Variants in PACSIN1 observed in about 807,000 individuals in gnomAD.
The protein encoded by PACSIN1 is protein kinase C and casein kinase substrate in neurons protein 1.
In PACSIN1, 15 loss-of-function variants were observed where a neutral mutation model predicts 59.5. That is an observed-to-expected ratio of 0.25 (90% CI 0.17 to 0.39). The LOEUF is 0.39. PACSIN1 is among the 10% of genes least tolerant of loss of function. The pLI is 1.00. For missense variants in PACSIN1, 420 were observed against 580.2 expected (o/e 0.72, Z 2.84); for synonymous variants, 210 against 220.6 (o/e 0.95, Z 0.42).
chr6:34,489,636 C>T (rs1052340983), intron 1 of PACSIN1, among the ~76,000 whole-genome samples: 23 of 152,146 alleles, frequency 1.5e-4, no homozygotes, highest in African/African-American at 5.3e-4. Context: ...ACTCAGGGAC[C>T]AGTGAGACTA....
intron 1 of PACSIN1, among the ~76,000 whole-genome samples, chr6:34,522,665 T>C (rs1767414198): frequency 6.6e-6 from 1 of 152,192 alleles, no homozygotes; most frequent in Non-Finnish European, 1.5e-5. Flanking sequence ...TGTTACGCTG[T>C]CTGTGAGCTG....
intron 1 of PACSIN1, among the ~76,000 whole-genome samples, chr6:34,524,230 C>T (rs114136274): frequency 0.012 from 1,810 of 152,254 alleles, 14 homozygotes; most frequent in Non-Finnish European, 0.017. Flanking sequence ...CATACCAGGT[C>T]TCAGCTGTAC....
chr6:34,504,426 G>T (rs138805085), intron 1 of PACSIN1, among the ~76,000 whole-genome samples: 12,033 of 151,862 alleles, frequency 0.079, 519 homozygotes, highest in Non-Finnish European at 0.091. Context: ...GAGTAGCTAG[G>T]ATTACAGGTG....
chr6:34,528,585 G>A (rs567483305), intron 3 of PACSIN1, 57 bp from the exon 4 acceptor site: 5 of 1,246,404 alleles, frequency 4.0e-6, no homozygotes, highest in Admixed American at 1.7e-5. Flanking sequence ...GGAGATGTGA[G>A]GGGGGGCCTC....
intron 1 of PACSIN1, among the ~76,000 whole-genome samples, chr6:34,476,739 G>A (rs1766643785): frequency 6.6e-6 from 1 of 152,218 alleles, no homozygotes. Context: ...GGCCTGGTAA[G>A]CTGCAAAGCT....
intron 1 of PACSIN1, among the ~76,000 whole-genome samples, chr6:34,479,419 T>C (rs1400534439): frequency 1.3e-5 from 2 of 152,172 alleles, no homozygotes; most frequent in East Asian, 1.9e-4. Flanking sequence ...AAGAGTTCTG[T>C]TTCTTTTTGA....
At chr6:34,491,162 T>C (rs1766870905) in intron 1 of PACSIN1, among the ~76,000 whole-genome samples, 1 of 152,132 alleles carries the variant, frequency 6.6e-6, no homozygotes, top group Non-Finnish European at 1.5e-5. Context: ...CCTCTCCAGC[T>C]GCAGGAGAGG....
At chr6:34,526,692 G>A (rs746272339) in intron 2 of PACSIN1, among the ~76,000 whole-genome samples, 1 of 152,162 alleles carries the variant, frequency 6.6e-6, no homozygotes, top group Non-Finnish European at 1.5e-5. Flanking sequence ...TATTTCCCTC[G>A]CTCGCCCCCC....
chr6:34,501,618 G>T (rs1767024705), intron 1 of PACSIN1, among the ~76,000 whole-genome samples: 1 of 152,228 alleles, frequency 6.6e-6, no homozygotes, highest in Non-Finnish European at 1.5e-5. Context: ...GACCAGAACA[G>T]GTGGGGAGGT....
chr6:34,526,215 T>C, intron 1 of PACSIN1, 28 bp from the exon 2 acceptor site: 1 of 1,099,170 alleles, frequency 9.1e-7, no homozygotes, highest in Middle Eastern at 2.0e-4. Context: ...TTCCCTCATC[T>C]CCAGGGATCT....
intron 1 of PACSIN1, among the ~76,000 whole-genome samples, chr6:34,489,862 C>T (rs182813791): frequency 2.0e-5 from 3 of 152,312 alleles, no homozygotes; most frequent in African/African-American, 4.8e-5. Flanking sequence ...ACATAAAAAG[C>T]GTGTAAGCCC....
At chr6:34,504,413 C>G (rs1363425685) in intron 1 of PACSIN1, among the ~76,000 whole-genome samples, 1 of 151,828 alleles carries the variant, frequency 6.6e-6, no homozygotes, top group Admixed American at 6.6e-5. Flanking sequence ...GCCTCAGACT[C>G]CCGAGTAGCT....
chr6:34,513,076 A>G (rs1767230799), intron 1 of PACSIN1, among the ~76,000 whole-genome samples: 1 of 152,198 alleles, frequency 6.6e-6, no homozygotes, highest in African/African-American at 2.4e-5. Context: ...TGTTTTGCCC[A>G]CAGCTGTATC....
chr6:34,476,341 G>A (rs562064443), intron 1 of PACSIN1, among the ~76,000 whole-genome samples: 140 of 152,328 alleles, frequency 9.2e-4, no homozygotes, highest in African/African-American at 3.2e-3. Context: ...CTCGCCAAGC[G>A]TGTGATAGAG....
In PACSIN1 at chr6:34,509,501, A is replaced by G. The variant is rs116446209; in HGVS notation, c.-63-16742A>G. ...GTAATATGTTTTGAAATCAGGAAGT[A>G]TGGGGCCTCCAGCTTTGTTCTTCTC... On this transcript the variant is annotated intron_variant, in intron 1 of 9. Transcript: ENST00000244458. Among the ~76,000 whole-genome samples, 522 of 152,250 alleles carry G rather than the reference A, an allele frequency of 3.4e-3. 1 individual carries two copies. Among genetic ancestry groups the G allele is most frequent in the African/African-American group, 0.012 (485 of 41,542 alleles).
chr6:34,479,738 GA>G (rs1439672616), intron 1 of PACSIN1, among the ~76,000 whole-genome samples: 4 of 151,942 alleles, frequency 2.6e-5, no homozygotes, highest in African/African-American at 9.7e-5. Flanking sequence ...TTACAGGCAG[GA>G]GCCACCACAC....
chr6:34,505,217 T>C (rs1275822011), intron 1 of PACSIN1, among the ~76,000 whole-genome samples: 1 of 152,136 alleles, frequency 6.6e-6, no homozygotes, highest in African/African-American at 2.4e-5. Context: ...GGCCTGTTTT[T>C]CCCTTTTAAA....
chr6:34,476,789 G>T (rs1452960897), intron 1 of PACSIN1, among the ~76,000 whole-genome samples: 1 of 152,222 alleles, frequency 6.6e-6, no homozygotes, highest in African/African-American at 2.4e-5. Context: ...AGGGCCGGGG[G>T]CGGGTGGCAA....
At chr6:34,485,991 G>A (rs969829878) in intron 1 of PACSIN1, among the ~76,000 whole-genome samples, 5 of 152,176 alleles carry the variant, frequency 3.3e-5, no homozygotes, top group African/African-American at 7.2e-5. Flanking sequence ...CAACGTGGGC[G>A]GCACTGGGTG....
Sources: allele counts gnomAD v4.1 joint callset (sites outside exome capture counted in the v4.1 genomes callset), GRCh38; gene constraint gnomAD v4.1.1; transcripts MANE v1.5; gene names NCBI Gene and HGNC (gene_info 2026-07-23, HGNC 2026-07-21).